Variants in AGBL3 observed in about 807,000 individuals in gnomAD.
The protein encoded by AGBL3 is cytosolic carboxypeptidase 3.
AGBL3 carries 68 observed loss-of-function variants against 94.5 expected under a neutral mutation model. The ratio of observed to expected loss-of-function variants is 0.72; its 90% confidence interval spans 0.59 to 0.88. The LOEUF is 0.88. Among genes scored for constraint, AGBL3 ranks in the 40% least tolerant of loss-of-function variants. The pLI, the probability that AGBL3 is intolerant of heterozygous loss-of-function variation, is 0.00. For missense variants in AGBL3, 934 were observed against 1,103.8 expected (o/e 0.85, Z 2.18); for synonymous variants, 354 against 370.7 (o/e 0.95, Z 0.52).
chr7:135,059,915 A>G (rs1818677913), intron 12 of AGBL3, among the ~76,000 whole-genome samples: 1 of 152,188 alleles, frequency 6.6e-6, no homozygotes, highest in Non-Finnish European at 1.5e-5. Context: ...GCTTACAACA[A>G]ACTTTTATTT....
intron 5 of AGBL3, among the ~76,000 whole-genome samples, chr7:135,020,385 C>T (rs557837861): frequency 6.6e-5 from 10 of 152,252 alleles, no homozygotes; most frequent in African/African-American, 2.2e-4. Context: ...GTTAGAATGG[C>T]GATCATTAAA....
chr7:135,049,966 C>G (rs749227524), intron 11 of AGBL3, among the ~76,000 whole-genome samples: 16 of 151,440 alleles, frequency 1.1e-4, no homozygotes, highest in Non-Finnish European at 2.2e-4. Context: ...TTGTTCTTTT[C>G]TATCTCCTCG....
chr7:135,005,194 A>C (rs1812231016), intron 4 of AGBL3, among the ~76,000 whole-genome samples: 2 of 151,722 alleles, frequency 1.3e-5, no homozygotes, highest in South Asian at 4.1e-4. Context: ...TTCACCTGTA[A>C]ATACTTTAGC....
At position 135,092,641 on chromosome 7, in the gene AGBL3, T is replaced by C. The variant is rs201544361; in HGVS notation, c.2110+10851T>C. The C allele has an allele frequency of 1.2e-4, 19 of 152,272 alleles. No individual in the cohort carries two copies. In the East Asian group the frequency reaches 3.5e-3, roughly 28 times the overall value. The allele number at this position is 152,272 out of a possible 1,614,324, so 9.4% of individuals were successfully genotyped here. On this transcript the variant is annotated intron_variant, in intron 15 of 16. Transcript: ENST00000436302. ...AAATGCTACTTATTGTGTTATGGGG[T>C]TACATCGGAGTTGTTTGTGGGTAGG...
At chr7:135,010,829 A>G (rs1563180768) in intron 4 of AGBL3, 1 of 152,228 alleles carries the variant, frequency 6.6e-6, no homozygotes, top group Non-Finnish European at 1.5e-5. Context: ...AAAAGACCTA[A>G]GTAAATAGAG....
intron 15 of AGBL3, among the ~76,000 whole-genome samples, chr7:135,084,157 C>A (rs1439027333): frequency 1.3e-5 from 2 of 151,848 alleles, no homozygotes; most frequent in Non-Finnish European, 2.9e-5. Flanking sequence ...GAATAGTTTT[C>A]TTATGCAATG....
intron 11 of AGBL3, among the ~76,000 whole-genome samples, chr7:135,055,765 C>T (rs1366065751): frequency 6.6e-6 from 1 of 152,108 alleles, no homozygotes; most frequent in Non-Finnish European, 1.5e-5. Flanking sequence ...TAGGATAATG[C>T]TAGCCTTTTA....
intron 15 of AGBL3, among the ~76,000 whole-genome samples, chr7:135,096,757 A>AAGAAAGAG (rs1822918961): frequency 6.8e-6 from 1 of 147,602 alleles, no homozygotes; most frequent in Non-Finnish European, 1.5e-5. Context: ...GAAAGAAAGA[A>AAGAAAGAG]AGAAAGAAAG....
At chr7:134,997,438 TC>T (rs1249531393) in intron 4 of AGBL3, among the ~76,000 whole-genome samples, 1 of 152,112 alleles carries the variant, frequency 6.6e-6, no homozygotes, top group Non-Finnish European at 1.5e-5. Flanking sequence ...CACTTAATTC[TC>T]CCAGCCATAA....
At chr7:135,094,141 T>A in intron 15 of AGBL3, 2 of 310,328 alleles carry the variant, frequency 6.4e-6, no homozygotes, top group Non-Finnish European at 1.3e-5. Flanking sequence ...AAACTACTCT[T>A]AGAAGAAAAT....
intron 8 of AGBL3, among the ~76,000 whole-genome samples, chr7:135,043,488 A>G (rs911821526): frequency 3.3e-5 from 5 of 152,148 alleles, no homozygotes; most frequent in Admixed American, 2.0e-4. Context: ...GAGATGGTTA[A>G]TGGGTACAAA....
At chr7:135,111,781 C>A (rs1054119251) in intron 15 of AGBL3, among the ~76,000 whole-genome samples, 3 of 152,154 alleles carry the variant, frequency 2.0e-5, no homozygotes, top group African/African-American at 7.2e-5. Context: ...AGTAGTCCAT[C>A]CTTTGGTCTT....
chr7:135,128,809 A>C, intron 16 of AGBL3: 1 of 1,172,542 alleles, frequency 8.5e-7, no homozygotes, highest in Non-Finnish European at 1.3e-6. Flanking sequence ...CCAAGAGGAA[A>C]CTGTGGATGA....
intron 5 of AGBL3, among the ~76,000 whole-genome samples, chr7:135,021,899 T>G (rs1563191423): frequency 1.3e-5 from 2 of 152,158 alleles, no homozygotes; most frequent in Admixed American, 1.3e-4. Flanking sequence ...CTCCCACTTA[T>G]GAGTGAAAAC....
Position 135,111,771 on chromosome 7 carries a change from A to G in AGBL3, c.2111-3609A>G, listed in dbSNP as rs557232726. The stretch of plus-strand genomic sequence containing the variant: ...CTAAATTTTAAGTGGGCTGTTTTAC[A>G]GTAGTCCATCCTTTGGTCTTTCTCA... On this transcript the variant is annotated intron_variant, in intron 15 of 16. Transcript: ENST00000436302. Among the ~76,000 whole-genome samples the G allele has an allele frequency of 3.9e-5, 6 of 152,296 alleles. No individual in the cohort carries two copies. The South Asian group carries it at 1.2e-3, about 32-fold the overall frequency.
At chr7:135,036,038 T>G (rs1816273894) in intron 7 of AGBL3, among the ~76,000 whole-genome samples, 1 of 152,096 alleles carries the variant, frequency 6.6e-6, no homozygotes. Context: ...GCAGTATGGT[T>G]TCTAATAGAA....
intron 3 of AGBL3, among the ~76,000 whole-genome samples, chr7:134,991,292 T>C (rs767152490): frequency 1.3e-5 from 2 of 152,062 alleles, no homozygotes; most frequent in African/African-American, 2.4e-5. Context: ...ATGAGACTTT[T>C]GTGCACTCAT....
At chr7:135,067,072 G>C (rs1026362828) in intron 12 of AGBL3, among the ~76,000 whole-genome samples, 1 of 152,200 alleles carries the variant, frequency 6.6e-6, no homozygotes, top group African/African-American at 2.4e-5. Flanking sequence ...TTAGCAAACA[G>C]CACACCAGGA....
At chr7:135,022,013 C>A (rs1814545310) in intron 5 of AGBL3, among the ~76,000 whole-genome samples, 2 of 152,156 alleles carry the variant, frequency 1.3e-5, no homozygotes, top group African/African-American at 4.8e-5. Context: ...CTTTTTGTGG[C>A]TGCATAGTAG....
Sources: gnomAD v4.1 joint callset for allele counts (sites outside exome capture counted in the v4.1 genomes callset) on GRCh38, gnomAD v4.1.1 for gene constraint, MANE v1.5 for transcripts, NCBI Gene and HGNC (gene_info 2026-07-23, HGNC 2026-07-21) for gene names.